Variants in KCNG3 observed in about 807,000 individuals in gnomAD.
The protein encoded by KCNG3 is potassium voltage-gated channel modifier subfamily G member 3, also known as voltage-gated potassium channel regulatory subunit KCNG3.
Under a neutral mutation model 29.0 loss-of-function variants are expected in KCNG3, and 15 were observed. That is an observed-to-expected ratio of 0.52 (90% CI 0.35 to 0.80). KCNG3 has a LOEUF of 0.80. KCNG3 is among the 30% of genes least tolerant of loss of function. The probability of loss-of-function intolerance (pLI) is 0.01; values close to 1 mark genes in which losing one functional copy is unlikely to be tolerated. For missense variants in KCNG3, 512 were observed against 605.7 expected (o/e 0.85, Z 1.62); for synonymous variants, 322 against 248.9 (o/e 1.29, Z -2.76).
At chr2:42,475,970 G>T (rs1673414218) in intron 1 of KCNG3, among the ~76,000 whole-genome samples, 1 of 152,258 alleles carries the variant, frequency 6.6e-6, no homozygotes, top group African/African-American at 2.4e-5. Context: ...GGAGGCTGAG[G>T]CAGGAGAATC....
chr2:42,451,085 A>T (rs1672738988), intron 1 of KCNG3, among the ~76,000 whole-genome samples: 1 of 151,166 alleles, frequency 6.6e-6, no homozygotes, highest in Non-Finnish European at 1.5e-5. Flanking sequence ...GGCGCCTGTA[A>T]TCCCAGCTAC....
chr2:42,407,591 T>C, the KCNG3 span, among the ~76,000 whole-genome samples: 1 of 152,128 alleles, frequency 6.6e-6, no homozygotes, highest in Non-Finnish European at 1.5e-5. Flanking sequence ...ATCCAAGTCA[T>C]GGCTGTGGAC....
chr2:42,408,198 G>A, the KCNG3 span, among the ~76,000 whole-genome samples: 19 of 152,112 alleles, frequency 1.2e-4, no homozygotes, highest in Non-Finnish European at 1.9e-4. Context: ...CAGCCTGGGC[G>A]CCATGAACAG....
chr2:42,402,947 C>T, the KCNG3 span, among the ~76,000 whole-genome samples: 9 of 152,186 alleles, frequency 5.9e-5, no homozygotes, highest in African/African-American at 1.4e-4. Context: ...TTGTTAGGAT[C>T]ACATTGAATT....
chr2:42,451,908 A>AAACAAC (rs539717843), intron 1 of KCNG3, among the ~76,000 whole-genome samples: 6 of 151,688 alleles, frequency 4.0e-5, no homozygotes, highest in Non-Finnish European at 4.4e-5. Context: ...TCAAAAACAA[A>AAACAAC]AACAACAACA....
the KCNG3 span, among the ~76,000 whole-genome samples, chr2:42,398,769 G>A: frequency 6.6e-6 from 1 of 152,116 alleles, no homozygotes; most frequent in African/African-American, 2.4e-5. Context: ...AGGGATAAGA[G>A]GACAGACCTT....
At chr2:42,447,864 T>C (rs2103666767) in intron 1 of KCNG3, among the ~76,000 whole-genome samples, 1 of 152,268 alleles carries the variant, frequency 6.6e-6, no homozygotes, top group East Asian at 1.9e-4. Context: ...ATTTCCCACA[T>C]GAGCAGATAT....
At chr2:42,422,094 G>A in the KCNG3 span, among the ~76,000 whole-genome samples, 4 of 152,156 alleles carry the variant, frequency 2.6e-5, no homozygotes, top group African/African-American at 9.7e-5. Flanking sequence ...AAAAGCCAAT[G>A]TTTATGAGGG....
the KCNG3 span, among the ~76,000 whole-genome samples, chr2:42,396,041 G>T: frequency 1.3e-5 from 2 of 152,132 alleles, no homozygotes; most frequent in African/African-American, 4.8e-5. Flanking sequence ...CAGAACACTT[G>T]CATTAGCCAA....
intron 1 of KCNG3, among the ~76,000 whole-genome samples, chr2:42,457,936 A>G (rs1672920815): frequency 6.6e-6 from 1 of 152,152 alleles, no homozygotes; most frequent in Non-Finnish European, 1.5e-5. Context: ...AGCCTGAGCA[A>G]TATAGTGAAA....
At chr2:42,412,002 G>C in the KCNG3 span, among the ~76,000 whole-genome samples, 1 of 152,196 alleles carries the variant, frequency 6.6e-6, no homozygotes, top group Non-Finnish European at 1.5e-5. Flanking sequence ...ACAAGAGCAG[G>C]AAGATGGAAA....
At chr2:42,392,766 C>T in the KCNG3 span, among the ~76,000 whole-genome samples, 18 of 151,502 alleles carry the variant, frequency 1.2e-4, no homozygotes, top group East Asian at 3.1e-3. Context: ...ATCGTCTGGA[C>T]GCAATGATCT....
intron 1 of KCNG3, among the ~76,000 whole-genome samples, chr2:42,451,343 T>C (rs1047531464): frequency 4.6e-5 from 7 of 151,936 alleles, no homozygotes; most frequent in African/African-American, 1.7e-4. Flanking sequence ...TTTGGGAGGC[T>C]GAAGTGGGAG....
At chr2:42,445,361 C>T (rs1009718037) in intron 1 of KCNG3, among the ~76,000 whole-genome samples, 1 of 152,100 alleles carries the variant, frequency 6.6e-6, no homozygotes, top group Non-Finnish European at 1.5e-5. Flanking sequence ...TGGTAACTTA[C>T]AGTCAATGCA....
At chr2:42,470,799 G>A (rs996156183) in intron 1 of KCNG3, among the ~76,000 whole-genome samples, 1 of 151,958 alleles carries the variant, frequency 6.6e-6, no homozygotes, top group Admixed American at 6.6e-5. Flanking sequence ...TGAGGCTGCA[G>A]TGAGCCATGG....
chr2:42,434,383 G>A, the KCNG3 span, among the ~76,000 whole-genome samples: 1 of 140,566 alleles, frequency 7.1e-6, no homozygotes. Flanking sequence ...TTGAGCCCAG[G>A]AGGAGGTTGA....
chr2:42,392,923 G>C, the KCNG3 span, among the ~76,000 whole-genome samples: 1 of 152,126 alleles, frequency 6.6e-6, no homozygotes, highest in Non-Finnish European at 1.5e-5. Flanking sequence ...CTGTCTATGG[G>C]AGTATTGGGT....
At chr2:42,473,334 G>A (rs962994075) in intron 1 of KCNG3, among the ~76,000 whole-genome samples, 8 of 151,594 alleles carry the variant, frequency 5.3e-5, no homozygotes, top group African/African-American at 1.9e-4. Context: ...TTCTACCATT[G>A]TAAAGCATGT....
chr2:42,493,400 G>T lies in KCNG3; in HGVS notation c.102C>A (p.Arg34=). The T allele has an allele frequency of 6.6e-7, 1 of 1,517,118 alleles. No individual in the cohort carries two copies. Among genetic ancestry groups the T allele is most frequent in the Non-Finnish European group, 8.8e-7 (1 of 1,134,106 alleles). The allele number at this position is 1,517,118 out of a possible 1,614,324, so 94.0% of individuals were successfully genotyped here. Residue 34 remains arginine (R), a synonymous_variant, in exon 1 of 2, where the codon CGC becomes CGA. Transcript: ENST00000306078. Reference sequence around the variant, plus strand: ...AGCGGCAGCCGTGCAGCCGGCTCACGCGGCGCAGCGGGAAGTCCTTCAGCA... The same window carrying T: ...AGCGGCAGCCGTGCAGCCGGCTCACTCGGCGCAGCGGGAAGTCCTTCAGCA... The part of the protein sequence containing the change: ...RELLKDFPLR[R]VSRLHGCRSE...
Sources: allele counts gnomAD v4.1 joint callset (sites outside exome capture counted in the v4.1 genomes callset), GRCh38; gene constraint gnomAD v4.1.1; transcripts MANE v1.5; gene names NCBI Gene and HGNC (gene_info 2026-07-23, HGNC 2026-07-21).